The following ZNF423 variants were observed in gnomAD, a reference collection of about 807,000 sequenced individuals.
The protein encoded by ZNF423 is Ebf-associated zinc finger protein.
A neutral mutation model predicts 95.8 loss-of-function variants in ZNF423; 12 were observed. That is an observed-to-expected ratio of 0.13 (90% confidence interval 0.08 to 0.20). ZNF423 has a LOEUF of 0.20. ZNF423 is among the 10% of genes least tolerant of loss of function. The probability of loss-of-function intolerance (pLI) is 1.00; values close to 1 mark genes in which losing one functional copy is unlikely to be tolerated. For synonymous variants in ZNF423, 749 were observed against 711.9 expected (o/e 1.05, Z -0.83); for missense variants, 1,316 against 1,737.1 (o/e 0.76, Z 4.31).
In ZNF423 at chr16:49,615,257, C is replaced by T. The variant is rs1427144106; in HGVS notation, c.3601+10913G>A. Among the ~76,000 whole-genome samples, 6 of 152,060 alleles carry T rather than the reference C, an allele frequency of 3.9e-5. No individual in the cohort carries two copies. The East Asian group carries it at 1.2e-3, about 29-fold the overall frequency. ...CAGGGTTGCCAGGTAAAATACAGGA[C>T]GGCAGGCAAATGCAAATTTCGGACA... On this transcript the variant is annotated intron_variant, in intron 5 of 7. Coordinates refer to ENST00000563137, the MANE Select transcript of ZNF423 (RefSeq NM_001379286.1).
intron 7 of ZNF423, among the ~76,000 whole-genome samples, chr16:49,495,804 A>G (rs1322393177): frequency 6.6e-6 from 1 of 152,162 alleles, no homozygotes; most frequent in Non-Finnish European, 1.5e-5. Flanking sequence ...ACACAGTCAC[A>G]AACAGGAACA....
chr16:49,768,380 T>C (rs1439618049), intron 2 of ZNF423, among the ~76,000 whole-genome samples: 1 of 152,220 alleles, frequency 6.6e-6, no homozygotes, highest in Non-Finnish European at 1.5e-5. Context: ...CCGCAAAGCA[T>C]GAGAGCCGCT....
At chr16:49,694,172 T>C (rs1181407927) in intron 3 of ZNF423, among the ~76,000 whole-genome samples, 1 of 152,036 alleles carries the variant, frequency 6.6e-6, no homozygotes, top group Non-Finnish European at 1.5e-5. Context: ...ACTTAGTGAA[T>C]GGAAAGGAGG....
intron 5 of ZNF423, among the ~76,000 whole-genome samples, chr16:49,534,649 T>C (rs1038746700): frequency 3.3e-5 from 5 of 152,136 alleles, no homozygotes; most frequent in African/African-American, 7.2e-5. Flanking sequence ...ATCAAGGCAA[T>C]AGAACCCTGC....
At chr16:49,801,279 C>A (rs1444444027) in intron 1 of ZNF423, among the ~76,000 whole-genome samples, 1 of 152,216 alleles carries the variant, frequency 6.6e-6, no homozygotes, top group Non-Finnish European at 1.5e-5. Flanking sequence ...CACCCTGCAC[C>A]AGAACTGTCT....
chr16:49,587,843 G>C (rs1364247860), intron 5 of ZNF423, among the ~76,000 whole-genome samples: 1 of 152,014 alleles, frequency 6.6e-6, no homozygotes, highest in African/African-American at 2.4e-5. Flanking sequence ...GTTTCTTCTG[G>C]TGAACTCTTA....
Position 49,656,314 on chromosome 16 carries a change from C to T in ZNF423, c.302-17440G>A, listed in dbSNP as rs138519017. Among the ~76,000 whole-genome samples, 1,162 of 152,164 alleles carry T rather than the reference C, an allele frequency of 7.6e-3. 7 individuals are homozygous for T. The highest frequency in any genetic ancestry group is 0.026 in the African/African-American group (1,077 of 41,522). ...TCACCTGAGGTCAGGAGTTCAAGAC[C>T]AGCCTGGCCAACATGGTGAAACCCC... On this transcript the variant is annotated intron_variant, in intron 3 of 7. Coordinates refer to ENST00000563137, the MANE Select transcript of ZNF423 (RefSeq NM_001379286.1).
chr16:49,710,588 G>A (rs915973862), intron 3 of ZNF423, among the ~76,000 whole-genome samples: 1 of 152,166 alleles, frequency 6.6e-6, no homozygotes, highest in African/African-American at 2.4e-5. Flanking sequence ...CCGGCATCCT[G>A]GTGAGATGGC....
intron 5 of ZNF423, among the ~76,000 whole-genome samples, chr16:49,567,714 G>A (rs1442050049): frequency 2.0e-5 from 3 of 152,222 alleles, no homozygotes; most frequent in Admixed American, 6.5e-5. Context: ...GAGATGTCAA[G>A]AGAGGCTAGG....
chr16:49,595,991 T>TA (rs1465014285), intron 5 of ZNF423, among the ~76,000 whole-genome samples: 1 of 152,150 alleles, frequency 6.6e-6, no homozygotes, highest in Admixed American at 6.6e-5. Flanking sequence ...ATTAAAATCT[T>TA]AAAAAGGTGC....
chr16:49,595,212 G>A (rs1203113453), intron 5 of ZNF423, among the ~76,000 whole-genome samples: 1 of 152,222 alleles, frequency 6.6e-6, no homozygotes, highest in African/African-American at 2.4e-5. Flanking sequence ...CAAAAGAGGG[G>A]CTCAAGAAGT....
intron 7 of ZNF423, among the ~76,000 whole-genome samples, chr16:49,502,883 CAT>C (rs58636493): frequency 0.14 from 18,267 of 134,272 alleles, 1,632 homozygotes; most frequent in African/African-American, 0.23. Flanking sequence ...TGCCCACACA[CAT>C]AGGTCCCCAC....
chr16:49,817,814 G>T (rs1263238305), intron 1 of ZNF423, among the ~76,000 whole-genome samples: 1 of 152,144 alleles, frequency 6.6e-6, no homozygotes, highest in Non-Finnish European at 1.5e-5. Flanking sequence ...CTAGATGAGT[G>T]TGTCGCAAGG....
At chr16:49,554,707 G>A (rs773165185) in intron 5 of ZNF423, among the ~76,000 whole-genome samples, 11 of 151,794 alleles carry the variant, frequency 7.2e-5, no homozygotes, top group Admixed American at 4.6e-4. Flanking sequence ...TGGCTTTTCT[G>A]ATATGGAATC....
intron 1 of ZNF423, among the ~76,000 whole-genome samples, chr16:49,827,520 CT>C (rs33953484): frequency 0.049 from 7,268 of 149,344 alleles, 223 homozygotes; most frequent in South Asian, 0.11. Flanking sequence ...GAACAGCTAA[CT>C]TTTTTTTTTT....
intron 2 of ZNF423, among the ~76,000 whole-genome samples, chr16:49,738,023 C>T (rs765657513): frequency 1.3e-5 from 2 of 152,206 alleles, no homozygotes; most frequent in Non-Finnish European, 2.9e-5. Flanking sequence ...CCTCCATGCA[C>T]CCGAGACAGA....
At chr16:49,819,530 C>T (rs1209445519) in intron 1 of ZNF423, among the ~76,000 whole-genome samples, 1 of 151,966 alleles carries the variant, frequency 6.6e-6, no homozygotes, top group East Asian at 2.0e-4. Flanking sequence ...TCACTGCAAC[C>T]TCCGCCTCCT....
At chr16:49,571,964 C>G (rs1293674151) in intron 5 of ZNF423, among the ~76,000 whole-genome samples, 1 of 152,122 alleles carries the variant, frequency 6.6e-6, no homozygotes, top group African/African-American at 2.4e-5. Context: ...TTCTTCCATC[C>G]AAAAAATACT....
At chr16:49,606,798 A>AACTG (rs1971550479) in intron 5 of ZNF423, among the ~76,000 whole-genome samples, 1 of 152,178 alleles carries the variant, frequency 6.6e-6, no homozygotes, top group Non-Finnish European at 1.5e-5. Context: ...ATGTTCCTTT[A>AACTG]ACTGACTGAG....
Sources: gnomAD v4.1 joint callset for allele counts (sites outside exome capture counted in the v4.1 genomes callset) on GRCh38, gnomAD v4.1.1 for gene constraint, MANE v1.5 for transcripts, NCBI Gene and HGNC (gene_info 2026-07-23, HGNC 2026-07-21) for gene names.